The following ATOX1 variants were observed in gnomAD, a reference collection of about 807,000 sequenced individuals.
ATOX1 encodes the protein antioxidant 1 copper chaperone, also known as copper transport protein ATOX1.
ATOX1 carries 4 observed loss-of-function variants against 7.3 expected under a neutral mutation model. The ratio of observed to expected loss-of-function variants is 0.55; its 90% confidence interval spans 0.27 to 1.25. The LOEUF (loss-of-function observed/expected upper bound fraction) is 1.25. ATOX1 is among the 50% of genes most tolerant of loss of function. ATOX1 has a pLI of 0.12. For synonymous variants in ATOX1, 25 were observed against 28.7 expected (o/e 0.87, Z 0.41); for missense variants, 68 against 81.6 (o/e 0.83, Z 0.64).
intron 2 of ATOX1, among the ~76,000 whole-genome samples, chr5:151,747,629 C>G (rs957173391): frequency 4.0e-5 from 6 of 151,822 alleles, no homozygotes; most frequent in Admixed American, 3.3e-4. Context: ...CTGTGTCACC[C>G]AGGCTGGAGT....
chr5:151,756,782 C>G (rs571485826), intron 1 of ATOX1, among the ~76,000 whole-genome samples: 72 of 152,302 alleles, frequency 4.7e-4, no homozygotes, highest in Admixed American at 4.7e-3. Context: ...CCTCACCTGC[C>G]TATAGCTCTA....
Position 151,743,484 on chromosome 5 carries a change from T to C in ATOX1, c.*47-525A>G, listed in dbSNP as rs566181684. 2.6e-5 allele frequency: 4 copies of C among 152,348 alleles called. No homozygotes were observed. In the East Asian group the frequency reaches 7.7e-4, roughly 29 times the overall value. The allele number at this position is 152,348 out of a possible 1,614,324, so 9.4% of individuals were successfully genotyped here. A position where few individuals can be genotyped will look rare whatever the true frequency, so the allele number is the denominator to read the frequency against. On this transcript the variant is annotated intron_variant, in intron 3 of 3. Coordinates refer to ENST00000313115, the MANE Select transcript of ATOX1 (RefSeq NM_004045.4). ...GCTGCCTGAGCATGTGGACTAAAGC[T>C]GGCTTATTGGGTGATTCTTACTGAG...
chr5:151,756,505 C>T (rs1762019150), intron 1 of ATOX1, among the ~76,000 whole-genome samples: 1 of 149,934 alleles, frequency 6.7e-6, no homozygotes, highest in East Asian at 2.0e-4. Context: ...TTCACTTTCA[C>T]TCTGTCACCC....
Position 151,753,054 on chromosome 5 carries a change from A to G in ATOX1, c.7-1275T>C, listed in dbSNP as rs28917192. Among the ~76,000 whole-genome samples the G allele has an allele frequency of 8.6e-3, 1,304 of 152,338 alleles. 10 individuals carry two copies. Among genetic ancestry groups the G allele is most frequent in the Non-Finnish European group, 0.014 (982 of 68,032 alleles). On this transcript the variant is annotated intron_variant, in intron 1 of 3. Coordinates refer to ENST00000313115, the MANE Select transcript of ATOX1 (RefSeq NM_004045.4). ...TCTGTCTTGCTCCATTTCTGGGGTC[A>G]CTTGCACTAGAGGAAGTCAGCTACT... is the stretch of plus-strand genomic sequence containing the variant.
intron 1 of ATOX1, among the ~76,000 whole-genome samples, chr5:151,756,875 C>G (rs535824144): frequency 1.3e-5 from 2 of 152,196 alleles, no homozygotes; most frequent in African/African-American, 4.8e-5. Flanking sequence ...ATTTTACTGG[C>G]ATTTTTCCAG....
intron 1 of ATOX1, among the ~76,000 whole-genome samples, chr5:151,753,250 G>A (rs951576547): frequency 6.6e-6 from 1 of 152,218 alleles, no homozygotes; most frequent in Non-Finnish European, 1.5e-5. Flanking sequence ...CTTTATGAGA[G>A]CCTCTGAGCT....
intron 2 of ATOX1, among the ~76,000 whole-genome samples, chr5:151,750,345 G>T (rs574669249): frequency 3.8e-4 from 58 of 152,194 alleles, no homozygotes; most frequent in African/African-American, 1.4e-3. Flanking sequence ...ATTACTTGAG[G>T]TCAAGAGTTC....
rs1001523883 is a variant in ATOX1, at chr5:151,747,983, T to C, written c.83-1534A>G. ...TGTTAAAGGTCATTGAGGATGCTTC[T>C]AATTTTTCACCACTATCACAATGTT... On this transcript the variant is annotated intron_variant, in intron 2 of 3. Transcript: ENST00000313115. Among the ~76,000 whole-genome samples, 5 of 152,350 alleles carry C rather than the reference T, an allele frequency of 3.3e-5. No individual in the cohort carries two copies. The East Asian group carries it at 9.6e-4, about 29-fold the overall frequency.
chr5:151,756,045 G>A (rs1323951417), intron 1 of ATOX1, among the ~76,000 whole-genome samples: 1 of 150,652 alleles, frequency 6.6e-6, no homozygotes, highest in South Asian at 2.1e-4. Flanking sequence ...GGGTTCAAGC[G>A]ATTCTCCTGC....
intron 1 of ATOX1, among the ~76,000 whole-genome samples, chr5:151,756,066 C>T (rs563653835): frequency 1.3e-4 from 19 of 151,700 alleles, no homozygotes; most frequent in Admixed American, 2.0e-4. Context: ...CTCAGACTCC[C>T]GAGTAGCTGG....
chr5:151,752,143 G>A (rs1383082304), intron 1 of ATOX1: 8 of 637,164 alleles, frequency 1.3e-5, no homozygotes, highest in East Asian at 2.7e-5. Flanking sequence ...CTCTGACAGG[G>A]ATGGGCCCCC....
intron 1 of ATOX1, 62 bp downstream of exon 1, chr5:151,758,484 G>T: frequency 6.8e-7 from 1 of 1,468,698 alleles, no homozygotes; most frequent in South Asian, 1.4e-5. Context: ...TCAAGCGGCT[G>T]TGCAGCCGAG....
intron 2 of ATOX1, among the ~76,000 whole-genome samples, chr5:151,749,698 C>T (rs986113989): frequency 1.3e-5 from 2 of 150,966 alleles, no homozygotes; most frequent in Non-Finnish European, 3.0e-5. Context: ...AAAAAAGCAT[C>T]AACAGCAAAA....
intron 2 of ATOX1, among the ~76,000 whole-genome samples, chr5:151,751,381 CTAGT>C (rs1296243883): frequency 6.6e-6 from 1 of 151,684 alleles, no homozygotes; most frequent in Non-Finnish European, 1.5e-5. Flanking sequence ...CCTGGCAGTA[CTAGT>C]TAATTTGGCT....
At chr5:151,751,490 TA>T (rs910825315) in intron 2 of ATOX1, among the ~76,000 whole-genome samples, 4 of 147,976 alleles carry the variant, frequency 2.7e-5, no homozygotes, top group East Asian at 3.9e-4. Context: ...ATGGAGCTAG[TA>T]AAAAAAAAAC....
intron 3 of ATOX1, chr5:151,743,496 T>G (rs1010686234): frequency 1.3e-5 from 2 of 152,226 alleles, no homozygotes; most frequent in Non-Finnish European, 2.9e-5. Flanking sequence ...GCTTATTGGG[T>G]GATTCTTACT....
intron 1 of ATOX1, among the ~76,000 whole-genome samples, chr5:151,754,854 T>C (rs891831763): frequency 6.6e-6 from 1 of 151,124 alleles, no homozygotes; most frequent in Non-Finnish European, 1.5e-5. Context: ...AGTGGTGGCA[T>C]GCGCCTGTAG....
intron 2 of ATOX1, among the ~76,000 whole-genome samples, chr5:151,749,723 A>G (rs944803036): frequency 3.3e-5 from 5 of 152,100 alleles, no homozygotes; most frequent in Non-Finnish European, 7.4e-5. Flanking sequence ...ATACAGACAT[A>G]CAAGATATAC....
intron 3 of ATOX1, chr5:151,743,343 C>T (rs1008897992): frequency 1.4e-4 from 21 of 152,184 alleles, no homozygotes; most frequent in African/African-American, 4.8e-4. Flanking sequence ...ATAAATCTGC[C>T]AAGAGTCAGA....
Sources: allele counts gnomAD v4.1 joint callset (sites outside exome capture counted in the v4.1 genomes callset), GRCh38; gene constraint gnomAD v4.1.1; transcripts MANE v1.5; gene names NCBI Gene and HGNC (gene_info 2026-07-23, HGNC 2026-07-21).